The following TMTC2 variants were observed in gnomAD, a reference collection of about 807,000 sequenced individuals.
The protein encoded by TMTC2 is protein O-mannosyl-transferase TMTC2.
In TMTC2, 43 loss-of-function variants were observed where a neutral mutation model predicts 82.4. That is an observed-to-expected ratio of 0.52 (90% CI 0.41 to 0.67). The LOEUF is 0.67. Among genes scored for constraint, TMTC2 ranks in the 30% least tolerant of loss-of-function variants. TMTC2 has a pLI of 0.00. For missense variants in TMTC2, 919 were observed against 1,012.4 expected (o/e 0.91, Z 1.25); for synonymous variants, 408 against 381.9 (o/e 1.07, Z -0.80).
In TMTC2 at chr12:82,976,297, A is replaced by T. The variant is rs532517720; in HGVS notation, c.1948+9300A>T. On this transcript the variant is annotated intron_variant, in intron 7 of 11. Transcript: ENST00000321196. ...TGGCTTTTTTTCAAGTTGAAGTTTG[A>T]TGGAACATCAGATGTTTCTGGTATA... 7.2e-5 allele frequency among the ~76,000 whole-genome samples: 11 copies of T among 152,220 alleles called. No individual in the cohort carries two copies. The South Asian group carries it at 2.3e-3, about 32-fold the overall frequency.
chr12:82,974,973 G>A (rs187375925), intron 7 of TMTC2, among the ~76,000 whole-genome samples: 1 of 152,190 alleles, frequency 6.6e-6, no homozygotes, highest in Admixed American at 6.5e-5. Context: ...TTTATGCCCT[G>A]CTGTGGGAGA....
chr12:83,061,285 G>A (rs1306924119), intron 10 of TMTC2, among the ~76,000 whole-genome samples: 1 of 151,714 alleles, frequency 6.6e-6, no homozygotes, highest in Non-Finnish European at 1.5e-5. Flanking sequence ...TAACTACACA[G>A]GAAAACATGG....
At chr12:82,692,525 A>G (rs138410918) in intron 1 of TMTC2, among the ~76,000 whole-genome samples, 5 of 152,314 alleles carry the variant, frequency 3.3e-5, no homozygotes, top group African/African-American at 1.2e-4. Context: ...CCTTTGTAAT[A>G]TTAGGAAAGG....
intron 3 of TMTC2, among the ~76,000 whole-genome samples, chr12:82,897,924 A>G (rs1374985123): frequency 6.6e-6 from 1 of 151,706 alleles, no homozygotes; most frequent in African/African-American, 2.4e-5. Flanking sequence ...AAGAAGGTGT[A>G]AAACTGTTCC....
At chr12:82,845,164 G>A (rs1870570242) in intron 1 of TMTC2, among the ~76,000 whole-genome samples, 1 of 141,470 alleles carries the variant, frequency 7.1e-6, no homozygotes, top group East Asian at 2.1e-4. Context: ...GGGAGACAGA[G>A]GTTGCAGTGA....
chr12:82,893,137 T>G lies in TMTC2; in HGVS notation c.655-2681T>G, dbSNP rs551550462. Among the ~76,000 whole-genome samples, 52 of 152,142 alleles carry G rather than the reference T, an allele frequency of 3.4e-4. 1 individual carries two copies. The highest frequency in any genetic ancestry group is 3.4e-3 in the Admixed American group (52 of 15,280). The stretch of plus-strand genomic sequence containing the variant: ...CTGTAATCCCAGCACTTTGGGAGGC[T>G]GAGGCAGGTGGATCACGAGGTCAAG... On this transcript the variant is annotated intron_variant, in intron 2 of 11. Coordinates refer to ENST00000321196, the MANE Select transcript of TMTC2 (RefSeq NM_152588.3).
chr12:82,899,757 A>AAT (rs1555195589), intron 3 of TMTC2, among the ~76,000 whole-genome samples: 3 of 144,944 alleles, frequency 2.1e-5, no homozygotes, highest in Non-Finnish European at 3.0e-5. Flanking sequence ...TATATATAAG[A>AAT]ATATATATGT....
chr12:83,093,457 A>G (rs1883911973), intron 11 of TMTC2, among the ~76,000 whole-genome samples: 1 of 151,550 alleles, frequency 6.6e-6, no homozygotes, highest in Admixed American at 6.6e-5. Flanking sequence ...AGCACTGTGA[A>G]TGAATTTCCC....
At chr12:83,109,930 G>C (rs1246819267) in intron 11 of TMTC2, among the ~76,000 whole-genome samples, 1 of 152,104 alleles carries the variant, frequency 6.6e-6, no homozygotes, top group Non-Finnish European at 1.5e-5. Flanking sequence ...CCTCAAGTGA[G>C]TCCTCAAAGA....
rs758445375 is a variant in TMTC2 at position 82,985,954 on chromosome 12, C to T, written c.1978C>T (p.Pro660Ser). The T allele has an allele frequency of 4.3e-6, 7 of 1,613,844 alleles. No homozygotes were observed. The highest frequency in any genetic ancestry group is 5.9e-6 in the Non-Finnish European group (7 of 1,179,848). Reference sequence around the variant, plus strand: ...AGCATATATGCGTTTAAGCAAACTCCCCGAAGCAGAGCATTGGTATATGGA... The same window carrying T: ...AGCATATATGCGTTTAAGCAAACTCTCCGAAGCAGAGCATTGGTATATGGA... ...GEAYMRLSKL[P>S]EAEHWYMESL... The change falls in exon 8 of 12, where the codon CCC becomes TCC. Residue 660 changes from proline to serine, a missense_variant. Physicochemically the swap from Pro to Ser is moderately conservative, Grantham distance 74 (BLOSUM62 -1). Transcript: ENST00000321196.
chr12:82,855,471 A>G lies in TMTC2; in HGVS notation c.84-1539A>G, dbSNP rs577263450. 1.2e-4 allele frequency among the ~76,000 whole-genome samples: 19 copies of G among 152,314 alleles called. No individual in the cohort carries two copies. The East Asian group carries it at 3.5e-3, about 28-fold the overall frequency. On this transcript the variant is annotated intron_variant, in intron 1 of 11. Transcript: ENST00000321196. ...CATCATTAAGACAGTCTCCCACAACATAGTCTTTATCCACACAGATGCCCA... is the reference window on the plus strand; with the variant it reads ...CATCATTAAGACAGTCTCCCACAACGTAGTCTTTATCCACACAGATGCCCA...
chr12:82,723,410 C>T (rs987966973), intron 1 of TMTC2, among the ~76,000 whole-genome samples: 5 of 152,156 alleles, frequency 3.3e-5, no homozygotes, highest in African/African-American at 4.8e-5. Context: ...TTTATTATCT[C>T]TCCCTTACCT....
intron 9 of TMTC2, among the ~76,000 whole-genome samples, chr12:83,040,842 G>A (rs1437533940): frequency 1.3e-5 from 2 of 151,770 alleles, no homozygotes; most frequent in Non-Finnish European, 2.9e-5. Flanking sequence ...CCGCCACCAC[G>A]CCCGGCTAAT....
chr12:82,966,892 A>G (rs1298022684), intron 6 of TMTC2, 27 bp from the exon 7 acceptor site: 2 of 1,511,558 alleles, frequency 1.3e-6, no homozygotes, highest in South Asian at 2.3e-5. Context: ...TTGATGATTT[A>G]TCTATTTTTT....
chr12:83,071,855 C>T (rs1036309454), intron 11 of TMTC2, among the ~76,000 whole-genome samples: 11 of 151,704 alleles, frequency 7.3e-5, no homozygotes, highest in Non-Finnish European at 7.4e-5. Flanking sequence ...TGTAATAGCT[C>T]CTGTTTCGTT....
At chr12:82,944,353 G>C (rs1221493278) in intron 4 of TMTC2, among the ~76,000 whole-genome samples, 1 of 152,092 alleles carries the variant, frequency 6.6e-6, no homozygotes, top group African/African-American at 2.4e-5. Context: ...GGGAGGCCAA[G>C]GTGGGCGGAC....
In TMTC2 at chr12:82,887,498, G is replaced by A. The variant is rs74106163; in HGVS notation, c.655-8320G>A. On this transcript the variant is annotated intron_variant, in intron 2 of 11. Transcript: ENST00000321196. ...CTCCCTCATATTTCAGGTGATATGT[G>A]GGGAAGATTTTGATGTTTTCTGATA... is the stretch of plus-strand genomic sequence containing the variant. Among the ~76,000 whole-genome samples, 880 of 152,194 alleles carry A rather than the reference G, an allele frequency of 5.8e-3. 7 individuals are homozygous for A. The highest frequency in any genetic ancestry group is 0.02 in the African/African-American group (828 of 41,526).
chr12:83,073,775 T>G (rs1883193209), intron 11 of TMTC2, among the ~76,000 whole-genome samples: 1 of 152,150 alleles, frequency 6.6e-6, no homozygotes, highest in Non-Finnish European at 1.5e-5. Flanking sequence ...TTGCTGAGAA[T>G]TTCCAGAGCA....
chr12:82,760,076 A>G (rs527828140), intron 1 of TMTC2: 3 of 152,294 alleles, frequency 2.0e-5, no homozygotes, highest in East Asian at 3.9e-4. Flanking sequence ...TTGTTATTCA[A>G]GTTATACTAT....
Sources: gnomAD v4.1 joint callset for allele counts (sites outside exome capture counted in the v4.1 genomes callset) on GRCh38, gnomAD v4.1.1 for gene constraint, MANE v1.5 for transcripts, NCBI Gene and HGNC (gene_info 2026-07-23, HGNC 2026-07-21) for gene names.